KREMEN1: variants seen among roughly 807,000 people sequenced by gnomAD.
KREMEN1 encodes the protein kremen protein 1.
Under a neutral mutation model 46.5 loss-of-function variants are expected in KREMEN1, and 30 were observed. That is an observed-to-expected ratio of 0.65 (90% confidence interval 0.48 to 0.88). The LOEUF (loss-of-function observed/expected upper bound fraction) is 0.88, where lower values mean the gene tolerates loss of function less well. Among genes scored for constraint, KREMEN1 ranks in the 40% least tolerant of loss-of-function variants. The pLI is 0.00. For missense variants in KREMEN1, 533 were observed against 596.9 expected, an observed-to-expected ratio of 0.89 and a Z score of 1.11; for synonymous variants, 214 against 230.6, an observed-to-expected ratio of 0.93 and a Z score of 0.65.
rs376230408 is a variant in KREMEN1 at position 29,165,155 on chromosome 22, G to A, written c.1417-1889G>A. Among the ~76,000 whole-genome samples, 296 of 150,762 alleles carry A rather than the reference G, an allele frequency of 2.0e-3. 1 individual carries two copies. Among genetic ancestry groups the A allele is most frequent in the African/African-American group, 6.8e-3 (277 of 40,992 alleles). On this transcript the variant is annotated intron_variant, in intron 9 of 9. Transcript: ENST00000327813. Reference sequence around the variant, plus strand: ...GCCATTGCACTCCAGCCTGGGCAACGGAGCGAGACTCCATCTCAAAAAAAT... The same window carrying A: ...GCCATTGCACTCCAGCCTGGGCAACAGAGCGAGACTCCATCTCAAAAAAAT...
At chr22:29,119,903 ATAGAT>A (rs1218076220) in intron 3 of KREMEN1, among the ~76,000 whole-genome samples, 2 of 152,262 alleles carry the variant, frequency 1.3e-5, no homozygotes, top group Admixed American at 6.5e-5. Flanking sequence ...AGATTTTGTG[ATAGAT>A]TATCCAGGTG....
chr22:29,092,620 C>G (rs2037821599), intron 1 of KREMEN1, among the ~76,000 whole-genome samples: 1 of 152,154 alleles, frequency 6.6e-6, no homozygotes, highest in South Asian at 2.1e-4. Context: ...GGGGTTTGGT[C>G]CTTATGGTAC....
intron 1 of KREMEN1, among the ~76,000 whole-genome samples, chr22:29,093,183 C>T (rs545202753): frequency 4.4e-4 from 67 of 152,152 alleles, no homozygotes; most frequent in African/African-American, 1.6e-3. Flanking sequence ...GTTGTTCACA[C>T]GCTTAGACTG....
exon 10 of KREMEN1, chr22:29,167,815 TG>T (rs1220261305): frequency 1.3e-5 from 2 of 152,198 alleles, no homozygotes. Context: ...AAGCAGGATT[TG>T]GGCATTCCTG....
intron 9 of KREMEN1, among the ~76,000 whole-genome samples, chr22:29,164,012 T>TCAAACCGCTGGGCTCAAGGGA (rs200186842): frequency 6.6e-6 from 1 of 151,768 alleles, no homozygotes; most frequent in Admixed American, 6.6e-5. Context: ...CACTGCAGCC[T>TCAAACCGCTGGGCTCAAGGGA]CAAACCGCTG....
intron 3 of KREMEN1, among the ~76,000 whole-genome samples, chr22:29,110,598 C>T (rs2038132349): frequency 6.6e-6 from 1 of 152,164 alleles, no homozygotes; most frequent in Non-Finnish European, 1.5e-5. Flanking sequence ...TTACTACCTC[C>T]CCCTAAGGGC....
chr22:29,103,166 C>G (rs9608727), intron 3 of KREMEN1, among the ~76,000 whole-genome samples: 1 of 152,204 alleles, frequency 6.6e-6, no homozygotes, highest in African/African-American at 2.4e-5. Context: ...TACTAAACCT[C>G]TGCATGAAGC....
Position 29,145,001 on chromosome 22 carries a change from G to A in KREMEN1, c.*2889G>A. The A allele has an allele frequency of 1.0e-6, 1 of 985,556 alleles. No homozygotes were observed. The highest frequency in any genetic ancestry group is 4.7e-5 in the South Asian group (1 of 21,286). The allele number at this position is 985,556 out of a possible 1,614,324, so 61.1% of individuals were successfully genotyped here. ...AGCAGCCCCGGGAAACCCAAATCTG[G>A]CTCAGGACAGCGTACGGGCAGGAGG... On this transcript the variant is annotated 3_prime_UTR_variant, in exon 9 of 9. Coordinates refer to ENST00000400335, the MANE Select transcript of KREMEN1 (RefSeq NM_001039570.3).
intron 3 of KREMEN1, among the ~76,000 whole-genome samples, chr22:29,105,608 A>G (rs1233634710): frequency 1.3e-5 from 2 of 152,108 alleles, no homozygotes; most frequent in Non-Finnish European, 2.9e-5. Context: ...GGGCTAGATG[A>G]TGTCAGGTCT....
chr22:29,084,941 CT>C (rs1489756831), intron 1 of KREMEN1, among the ~76,000 whole-genome samples: 1 of 152,114 alleles, frequency 6.6e-6, no homozygotes, highest in Non-Finnish European at 1.5e-5. Flanking sequence ...AAAAGAAGAT[CT>C]AAAAGGTATT....
chr22:29,166,938 C>G, intron 9 of KREMEN1: 1 of 894,880 alleles, frequency 1.1e-6, no homozygotes, highest in Middle Eastern at 2.1e-4. Flanking sequence ...GTCTCAAAAA[C>G]AAAACAAAAG....
intron 1 of KREMEN1, among the ~76,000 whole-genome samples, chr22:29,075,978 A>C (rs904637973): frequency 3.9e-5 from 6 of 152,164 alleles, no homozygotes; most frequent in Non-Finnish European, 8.8e-5. Context: ...CCTTCTTTTC[A>C]TTCTTCCTCT....
intron 9 of KREMEN1, among the ~76,000 whole-genome samples, chr22:29,159,401 T>G (rs132297): frequency 6.6e-6 from 1 of 151,712 alleles, no homozygotes; most frequent in Non-Finnish European, 1.5e-5. Context: ...CGGGTGGATC[T>G]TGAGGTCAGG....
At chr22:29,150,221 T>TGG (rs132284), downstream of KREMEN1, among the ~76,000 whole-genome samples, 2 of 150,506 alleles carry the variant, frequency 1.3e-5, no homozygotes, top group African/African-American at 4.9e-5. Context: ...CAGCAACTGG[T>TGG]GGGGGGGGGG....
chr22:29,125,764 A>G (rs776975437), intron 5 of KREMEN1, among the ~76,000 whole-genome samples: 11 of 152,156 alleles, frequency 7.2e-5, no homozygotes, highest in African/African-American at 1.2e-4. Context: ...TCTTGCTTTA[A>G]TATAATTTCC....
At chr22:29,113,912 A>G (rs2038191440) in intron 3 of KREMEN1, among the ~76,000 whole-genome samples, 1 of 152,194 alleles carries the variant, frequency 6.6e-6, no homozygotes, top group Non-Finnish European at 1.5e-5. Context: ...GAAGCAGCAA[A>G]TTAAGAAGAG....
rs147490128 is a variant in KREMEN1 at position 29,158,291 on chromosome 22, C to T, written c.1417-8753C>T. ...ATGATGCCGGAGCAAGAGACAGAGT[C>T]CCCCAGATGAATGTCAAGGGAAACC... On this transcript the variant is annotated intron_variant, in intron 9 of 9. Transcript: ENST00000327813. 2.0e-5 allele frequency among the ~76,000 whole-genome samples: 3 copies of T among 152,150 alleles called. No homozygotes were observed. In the South Asian group the frequency reaches 6.2e-4, roughly 32 times the overall value.
intron 1 of KREMEN1, among the ~76,000 whole-genome samples, chr22:29,084,162 A>C (rs546561851): frequency 6.6e-6 from 1 of 152,172 alleles, no homozygotes; most frequent in African/African-American, 2.4e-5. Flanking sequence ...TATTATAATT[A>C]GTGTGTAATG....
chr22:29,158,416 G>A (rs868838918), intron 9 of KREMEN1, among the ~76,000 whole-genome samples: 106 of 152,284 alleles, frequency 7.0e-4, no homozygotes, highest in African/African-American at 2.4e-3. Context: ...AAGGAAAAGG[G>A]AGAACAGCGG....
Sources: gnomAD v4.1 joint callset for allele counts (sites outside exome capture counted in the v4.1 genomes callset) on GRCh38, gnomAD v4.1.1 for gene constraint, MANE v1.5 for transcripts, NCBI Gene and HGNC (gene_info 2026-07-23, HGNC 2026-07-21) for gene names.